ASIC2: variants seen among roughly 807,000 people sequenced by gnomAD.
ASIC2 encodes the protein acid sensing ion channel subunit 2, also known as acid-sensing ion channel 2.
Under a neutral mutation model 57.3 loss-of-function variants are expected in ASIC2, and 25 were observed. The observed-to-expected ratio is 0.44, with a 90% CI of 0.32 to 0.61. The LOEUF (loss-of-function observed/expected upper bound fraction) is 0.61. ASIC2 is among the 20% of genes least tolerant of loss of function. The pLI, the probability that ASIC2 is intolerant of heterozygous loss-of-function variation, is 0.06. For synonymous variants in ASIC2, 319 were observed against 307.5 expected, an observed-to-expected ratio of 1.04 and a Z score of -0.39; for missense variants, 641 against 738.1, an observed-to-expected ratio of 0.87 and a Z score of 1.52.
At chr17:33,710,375 A>G (rs1045758189) in intron 1 of ASIC2, among the ~76,000 whole-genome samples, 1 of 152,220 alleles carries the variant, frequency 6.6e-6, no homozygotes, top group African/African-American at 2.4e-5. Context: ...ACAAAAGCCA[A>G]TCTTTGAAGT....
intron 1 of ASIC2, among the ~76,000 whole-genome samples, chr17:33,178,774 C>A (rs529212248): frequency 6.6e-6 from 1 of 152,332 alleles, no homozygotes; most frequent in East Asian, 1.9e-4. Flanking sequence ...GGGCCCCATG[C>A]AGGCAGGGGA....
chr17:33,662,487 G>C (rs927373752), intron 1 of ASIC2, among the ~76,000 whole-genome samples: 44 of 57,842 alleles, frequency 7.6e-4, no homozygotes, highest in African/African-American at 5.3e-3. Context: ...CAGGTGTGGT[G>C]GGGGGGGCAC....
chr17:33,996,002 C>T (rs943659849), intron 1 of ASIC2, among the ~76,000 whole-genome samples: 3 of 152,150 alleles, frequency 2.0e-5, no homozygotes, highest in South Asian at 2.1e-4. Context: ...ATATCTTTGA[C>T]GATACCTATT....
chr17:33,527,025 C>T (rs1017607862), intron 1 of ASIC2, among the ~76,000 whole-genome samples: 1 of 152,170 alleles, frequency 6.6e-6, no homozygotes, highest in Non-Finnish European at 1.5e-5. Context: ...TGGGCTGGCT[C>T]AGGATGTTTC....
rs1904713142 is a variant in ASIC2, at chr17:34,156,166, T to C, written c.367A>G (p.Ile123Val). ...GGGTCAGCCAGATGGGGGTCCGGGA[T>C]CTGCAGGTTGACATCCAGCAGGGCC... is the stretch of plus-strand genomic sequence containing the variant. The change falls in exon 1 of 10, where the codon ATC becomes GTC. Residue 123 changes from isoleucine (I) to valine (V), a missense_variant. Coordinates refer to the ASIC2 transcript ENST00000359872. The surrounding 1 kb of genome is among the most constrained non-coding windows in gnomAD (Gnocchi z 4.4). The C allele has an allele frequency of 6.2e-7, 1 of 1,613,920 alleles. No individual in the cohort carries two copies. Among genetic ancestry groups the C allele is most frequent in the South Asian group, 1.1e-5 (1 of 91,078 alleles).
intron 1 of ASIC2, among the ~76,000 whole-genome samples, chr17:33,863,185 C>T (rs1914140472): frequency 6.6e-6 from 1 of 152,220 alleles, no homozygotes; most frequent in South Asian, 2.1e-4. Flanking sequence ...GAAGAAAGGC[C>T]ACATAGCTTG....
intron 1 of ASIC2, among the ~76,000 whole-genome samples, chr17:33,205,986 G>C (rs997869182): frequency 2.0e-5 from 3 of 152,164 alleles, no homozygotes; most frequent in African/African-American, 7.2e-5. Flanking sequence ...ACTAAATTAT[G>C]ATTGATGTTT....
chr17:33,849,296 C>T (rs190979856), intron 1 of ASIC2, among the ~76,000 whole-genome samples: 9 of 152,230 alleles, frequency 5.9e-5, no homozygotes, highest in African/African-American at 1.2e-4. Flanking sequence ...ACTTGCTGTC[C>T]GCTATTAGCA....
intron 2 of ASIC2, among the ~76,000 whole-genome samples, chr17:33,098,297 C>T (rs1316291970): frequency 6.6e-6 from 1 of 152,220 alleles, no homozygotes; most frequent in Non-Finnish European, 1.5e-5. Flanking sequence ...AAAGAATCCA[C>T]AAATTGCTGC....
chr17:34,074,300 A>G (rs2142071389), intron 1 of ASIC2, among the ~76,000 whole-genome samples: 1 of 152,276 alleles, frequency 6.6e-6, no homozygotes, highest in East Asian at 1.9e-4. Flanking sequence ...ACTAATGAAC[A>G]TTGCATGCAA....
At chr17:34,136,846 G>C (rs1387980552) in intron 1 of ASIC2, among the ~76,000 whole-genome samples, 1 of 152,104 alleles carries the variant, frequency 6.6e-6, no homozygotes, top group African/African-American at 2.4e-5. Flanking sequence ...AACATAGTGG[G>C]CCTCCCTCAC....
chr17:33,586,253 C>G (rs1406141096), intron 1 of ASIC2, among the ~76,000 whole-genome samples: 2 of 152,136 alleles, frequency 1.3e-5, no homozygotes, highest in Non-Finnish European at 2.9e-5. Context: ...TTTTCTGGAG[C>G]TTCTGGGTTC....
intron 1 of ASIC2, chr17:33,935,659 A>G (rs967525460): frequency 3.9e-5 from 6 of 152,206 alleles, no homozygotes; most frequent in African/African-American, 1.2e-4. Flanking sequence ...ATTGTGGATG[A>G]GGAAACTACA....
intron 1 of ASIC2, among the ~76,000 whole-genome samples, chr17:33,287,400 G>A (rs1182188490): frequency 6.6e-6 from 1 of 152,114 alleles, no homozygotes; most frequent in Non-Finnish European, 1.5e-5. Context: ...CCAACCCCCT[G>A]GTTCTTCTTC....
rs527365196 is a variant in ASIC2, at chr17:33,684,773, C to CTT, written c.555+471203_555+471204dup. On this transcript the variant is annotated intron_variant, in intron 1 of 9. Coordinates refer to the ASIC2 transcript ENST00000359872. ...TTAATTGAGGAAATCATATCCACGT[C>CTT]TTTTTTTTTTTAATTGTTGAAAAGA... is the stretch of plus-strand genomic sequence containing the variant. 3.8e-3 allele frequency among the ~76,000 whole-genome samples: 548 copies of CTT among 145,578 alleles called. 2 individuals carry two copies. Among genetic ancestry groups the CTT allele is most frequent in the Non-Finnish European group, 5.7e-3 (375 of 65,788 alleles).
chr17:33,946,315 G>GA (rs1315658065), intron 1 of ASIC2, among the ~76,000 whole-genome samples: 1 of 152,104 alleles, frequency 6.6e-6, no homozygotes, highest in Non-Finnish European at 1.5e-5. Flanking sequence ...CAGGTTGTTG[G>GA]GTCTGGGGGG....
intron 1 of ASIC2, among the ~76,000 whole-genome samples, chr17:33,193,501 C>T (rs1906509490): frequency 6.6e-6 from 1 of 152,222 alleles, no homozygotes; most frequent in African/African-American, 2.4e-5. Context: ...GCCAGCTTCT[C>T]TGTTGGAGGC....
intron 1 of ASIC2, among the ~76,000 whole-genome samples, chr17:33,234,212 T>C (rs1218768028): frequency 6.6e-6 from 1 of 152,220 alleles, no homozygotes; most frequent in East Asian, 1.9e-4. Context: ...CCATGGATGT[T>C]ATATAACTAC....
chr17:33,751,551 G>C (rs1384970291), intron 1 of ASIC2, among the ~76,000 whole-genome samples: 1 of 151,944 alleles, frequency 6.6e-6, no homozygotes, highest in African/African-American at 2.4e-5. Context: ...ATTGCGACTA[G>C]AATTTTGAAT....
Sources: gnomAD v4.1 joint callset for allele counts (sites outside exome capture counted in the v4.1 genomes callset) on GRCh38, gnomAD v4.1.1 for gene constraint, Gnocchi (gnomAD v3.1) non-coding constraint, MANE v1.5 for transcripts, NCBI Gene and HGNC (gene_info 2026-07-23, HGNC 2026-07-21) for gene names.